Variants in ALKBH3 observed in about 807,000 individuals in gnomAD.
ALKBH3 encodes alpha-ketoglutarate-dependent dioxygenase alkB homolog 3.
In ALKBH3, 51 loss-of-function variants were observed where a neutral mutation model predicts 43.9. The ratio of observed to expected loss-of-function variants is 1.16; its 90% CI spans 0.93 to 1.47. The LOEUF (loss-of-function observed/expected upper bound fraction) is 1.47. Among genes scored for constraint, ALKBH3 ranks in the 40% most tolerant of loss-of-function variants. ALKBH3 has a pLI of 0.00. For missense variants in ALKBH3, 361 were observed against 351.9 expected, an observed-to-expected ratio of 1.03 and a Z score of -0.21; for synonymous variants, 102 against 115.2, an observed-to-expected ratio of 0.89 and a Z score of 0.73.
At chr11:43,885,658 C>A (rs1003123941) in intron 4 of ALKBH3, among the ~76,000 whole-genome samples, 1 of 152,226 alleles carries the variant, frequency 6.6e-6, no homozygotes, top group Admixed American at 6.5e-5. Context: ...TTATACATTT[C>A]CACATTTGAT....
Position 43,892,138 on chromosome 11 carries a change from A to G in ALKBH3, c.459+9A>G, listed in dbSNP as rs754689214. ...TGGAACCAAATCCTCACGTATGTCA[A>G]CATATTGTCATTGGTATGGTTTTAT... On this transcript the variant is annotated intron_variant, in intron 7 of 9. Transcript: ENST00000302708. The G allele has an allele frequency of 1.3e-6, 2 of 1,589,848 alleles. No homozygotes were observed. The highest frequency in any genetic ancestry group is 1.7e-5 in the Admixed American group (1 of 59,944).
At chr11:43,882,315 A>T (rs1235594995) in intron 1 of ALKBH3, among the ~76,000 whole-genome samples, 3 of 152,248 alleles carry the variant, frequency 2.0e-5, no homozygotes, top group Non-Finnish European at 4.4e-5. Context: ...AATGTGGTTT[A>T]TAATAGGTCC....
At position 43,886,613 on chromosome 11, in the gene ALKBH3, G is replaced by C. The variant is rs759200016; in HGVS notation, c.226G>C (p.Gly76Arg). The change falls in exon 5 of 10, where the codon GGT becomes CGT. Residue 76 changes from glycine to arginine, a missense_variant. Coordinates refer to ENST00000302708, the MANE Select transcript of ALKBH3 (RefSeq NM_139178.4). Reference sequence around the variant, plus strand: ...TTTCCTTTGTTTCTTTAGCAGAGAGGGTGTGTATGAAATCAGCCTGTCACC... The same window carrying C: ...TTTCCTTTGTTTCTTTAGCAGAGAGCGTGTGTATGAAATCAGCCTGTCACC... ...APEPRVIDREGVYEISLSPTG... is the reference protein window; with the variant it reads ...APEPRVIDRERVYEISLSPTG... 5 of 1,613,870 alleles carry C rather than the reference G, an allele frequency of 3.1e-6. No homozygotes were observed. Among genetic ancestry groups the C allele is most frequent in the Admixed American group, 1.7e-5 (1 of 59,984 alleles).
intron 7 of ALKBH3, among the ~76,000 whole-genome samples, chr11:43,892,431 A>G (rs1164099039): frequency 6.6e-6 from 1 of 152,184 alleles, no homozygotes; most frequent in Admixed American, 6.5e-5. Flanking sequence ...ACACCCTGGT[A>G]TGCATTTGCT....
At chr11:43,890,258 A>T (rs1328187450) in intron 6 of ALKBH3, among the ~76,000 whole-genome samples, 1 of 151,998 alleles carries the variant, frequency 6.6e-6, no homozygotes, top group Non-Finnish European at 1.5e-5. Flanking sequence ...TTCTTCTTTA[A>T]CTTTTGCCAG....
intron 7 of ALKBH3, chr11:43,897,888 A>G (rs527586643): frequency 3.7e-4 from 289 of 782,638 alleles, no homozygotes; most frequent in Admixed American, 5.1e-5. Context: ...GAAACAATAT[A>G]CCAGCAATAT....
chr11:43,899,995 A>G (rs1010572913), intron 7 of ALKBH3, among the ~76,000 whole-genome samples: 2 of 151,970 alleles, frequency 1.3e-5, no homozygotes, highest in Non-Finnish European at 2.9e-5. Flanking sequence ...TTTCCTTCAT[A>G]TACTTCAATA....
intron 5 of ALKBH3, among the ~76,000 whole-genome samples, chr11:43,888,948 G>C (rs1951764500): frequency 6.6e-6 from 1 of 152,228 alleles, no homozygotes; most frequent in African/African-American, 2.4e-5. Flanking sequence ...ATGAGCTGTA[G>C]CTTTTCCTAG....
At chr11:43,905,014 G>A (rs1951886420) in intron 8 of ALKBH3, among the ~76,000 whole-genome samples, 1 of 152,138 alleles carries the variant, frequency 6.6e-6, no homozygotes, top group Non-Finnish European at 1.5e-5. Context: ...CATCGGAGGA[G>A]AAGTTAATGC....
chr11:43,896,660 CCA>C (rs1951821232), intron 7 of ALKBH3, among the ~76,000 whole-genome samples: 1 of 152,182 alleles, frequency 6.6e-6, no homozygotes, highest in South Asian at 2.1e-4. Flanking sequence ...ATCCTTCAAT[CCA>C]ATCAAGTTGA....
chr11:43,899,295 C>T lies in ALKBH3; in HGVS notation c.460-2221C>T, dbSNP rs145736195. On this transcript the variant is annotated intron_variant, in intron 7 of 9. Coordinates refer to ENST00000302708, the MANE Select transcript of ALKBH3 (RefSeq NM_139178.4). ...GGCGTGCAGGGCTCGCATGTGACCA[C>T]GTGGCCGGGCCTCTGCATCCTGCAG... 1.3e-3 allele frequency: 931 copies of T among 703,590 alleles called. 6 individuals are homozygous for T. The highest frequency in any genetic ancestry group is 7.3e-3 in the African/African-American group (419 of 57,090). 43.6% of individuals were successfully genotyped at this position (703,590 alleles called of 1,614,324 possible). A position where few individuals can be genotyped will look rare whatever the true frequency, so the allele number is the denominator to read the frequency against.
chr11:43,900,316 C>T (rs775020472), intron 7 of ALKBH3, among the ~76,000 whole-genome samples: 11 of 148,844 alleles, frequency 7.4e-5, no homozygotes, highest in South Asian at 2.1e-4. Flanking sequence ...CTCCGCCTCC[C>T]GGGTTCAAGT....
In ALKBH3 at chr11:43,881,105, G is replaced by C. The variant is rs905287887; in HGVS notation, c.-145G>C. 6.6e-6 allele frequency: 1 copy of C among 152,594 alleles called. No homozygotes were observed. Among genetic ancestry groups the C allele is most frequent in the Non-Finnish European group, 1.5e-5 (1 of 68,306 alleles). The allele number at this position is 152,594 out of a possible 1,614,324, so 9.5% of individuals were successfully genotyped here. ...ACGACCAAGCTCTTCCACCTGCGGA[G>C]CTCGCTTAGTCTGCACCTCAACCGT... On this transcript the variant is annotated 5_prime_UTR_variant, in exon 1 of 10. Transcript: ENST00000302708.
rs145378015 is a variant in ALKBH3, at chr11:43,919,972, C to T, written c.823C>T (p.Arg275Trp). 9.3e-6 allele frequency: 15 copies of T among 1,614,020 alleles called. No individual in the cohort carries two copies. The highest frequency in any genetic ancestry group is 5.3e-5 in the African/African-American group (4 of 74,904). Reference sequence around the variant, plus strand: ...AGAACCGAGAGTGAACCTGACCTTTCGGACAGTCTATCCAGACCCTCGAGG... The same window carrying T: ...AGAACCGAGAGTGAACCTGACCTTTTGGACAGTCTATCCAGACCCTCGAGG... ...SREPRVNLTF[R>W]TVYPDPRGAP... is the part of the protein sequence containing the mutation. Residue 275 changes from arginine to tryptophan, a missense_variant, in exon 10 of 10, where the codon CGG becomes TGG. Physicochemically the swap from Arg to Trp is moderately radical, Grantham distance 101. Transcript: ENST00000302708.
chr11:43,900,215 ATTTTTTTTTTT>A (rs34274072), intron 7 of ALKBH3, among the ~76,000 whole-genome samples: 2 of 87,150 alleles, frequency 2.3e-5, no homozygotes, highest in African/African-American at 4.5e-5. Flanking sequence ...TTTTAATTTA[ATTTTTTTTTTT>A]TTTTTTTTTT....
At chr11:43,898,103 C>T in intron 7 of ALKBH3, 1 of 1,070,588 alleles carries the variant, frequency 9.3e-7, no homozygotes, top group Non-Finnish European at 1.4e-6. Flanking sequence ...CTCAGCAGCC[C>T]CAGTGCACCT....
chr11:43,919,934 A>G lies in ALKBH3; in HGVS notation c.785A>G (p.Glu262Gly). 6.2e-7 allele frequency: 1 copy of G among 1,614,122 alleles called. No individual in the cohort carries two copies. The highest frequency in any genetic ancestry group is 8.5e-7 in the Non-Finnish European group (1 of 1,179,954). The change falls in exon 10 of 10, where the codon GAA becomes GGA. Residue 262 changes from glutamate to glycine, a missense_variant. Transcript: ENST00000302708. ...TCCATTTAGCATCGAGTGCCCAAAG[A>G]ATACCACTCTAGAGAACCGAGAGTG... Reference protein sequence around the residue: ...QADWQHRVPKEYHSREPRVNL... With the variant: ...QADWQHRVPKGYHSREPRVNL...
chr11:43,900,083 A>AAG (rs35454835), intron 7 of ALKBH3, among the ~76,000 whole-genome samples: 126,714 of 151,618 alleles, frequency 0.84, 53,823 homozygotes, highest in East Asian at 0.98. Flanking sequence ...AGATATTAAA[A>AAG]ATTTGCAAAA....
chr11:43,882,683 C>G lies in ALKBH3; in HGVS notation c.31C>G (p.Gln11Glu), dbSNP rs1179302178. The change falls in exon 2 of 10, where the codon CAG becomes GAG. Residue 11 changes from glutamine (Q) to glutamate (E), a missense_variant. Gln to Glu is a conservative substitution (Grantham distance 29). Transcript: ENST00000302708. ...GGAAAAAAGACGGCGAGCCCGAGTT[C>G]AGGGAGCCTGGGCTGCCCCTGTTAA... Reference protein sequence around the residue: MEEKRRRARVQGAWAAPVKSQ... With the variant: MEEKRRRARVEGAWAAPVKSQ... 6.2e-7 allele frequency: 1 copy of G among 1,613,574 alleles called. No individual in the cohort carries two copies. Among genetic ancestry groups the G allele is most frequent in the Admixed American group, 1.7e-5 (1 of 59,854 alleles).
Sources: allele counts gnomAD v4.1 joint callset (sites outside exome capture counted in the v4.1 genomes callset), GRCh38; gene constraint gnomAD v4.1.1; transcripts MANE v1.5; gene names NCBI Gene and HGNC (gene_info 2026-07-23, HGNC 2026-07-21).